The following RORA variants were observed in gnomAD, a reference collection of about 807,000 sequenced individuals.
The protein encoded by RORA is RAR related orphan receptor A, also known as nuclear receptor ROR-alpha.
Under a neutral mutation model 69.5 loss-of-function variants are expected in RORA, and 7 were observed. The ratio of observed to expected loss-of-function variants is 0.10; its 90% CI spans 0.06 to 0.19. The LOEUF (loss-of-function observed/expected upper bound fraction) is 0.19, where lower values mean the gene tolerates loss of function less well. Ranked by LOEUF, RORA falls within the 10% of genes least tolerant of loss-of-function variation. RORA has a pLI of 1.00. For missense variants in RORA, 457 were observed against 663.0 expected, an observed-to-expected ratio of 0.69 and a Z score of 3.41; for synonymous variants, 261 against 240.8, an observed-to-expected ratio of 1.08 and a Z score of -0.78.
intron 1 of RORA, among the ~76,000 whole-genome samples, chr15:61,036,208 C>T (rs889254689): frequency 6.6e-6 from 1 of 152,092 alleles, no homozygotes; most frequent in Non-Finnish European, 1.5e-5. Context: ...GGAGGTCCTA[C>T]GGGAGCAGCC....
At chr15:61,063,304 T>C (rs948473343) in intron 1 of RORA, among the ~76,000 whole-genome samples, 12 of 152,250 alleles carry the variant, frequency 7.9e-5, no homozygotes, top group Admixed American at 2.6e-4. Context: ...CAAGAATATA[T>C]AAAAGATATA....
intron 1 of RORA, among the ~76,000 whole-genome samples, chr15:61,162,405 T>G (rs764343484): frequency 2.0e-5 from 3 of 152,124 alleles, no homozygotes; most frequent in Non-Finnish European, 4.4e-5. Context: ...ACTTTAGCCT[T>G]GACAAAAGGC....
chr15:61,057,219 G>A (rs966313606), intron 1 of RORA, among the ~76,000 whole-genome samples: 1 of 152,234 alleles, frequency 6.6e-6, no homozygotes, highest in African/African-American at 2.4e-5. Context: ...TACATAAAAT[G>A]AAGGTATTCA....
intron 1 of RORA, among the ~76,000 whole-genome samples, chr15:61,144,035 T>A (rs996041149): frequency 2.0e-5 from 3 of 152,156 alleles, no homozygotes; most frequent in African/African-American, 7.2e-5. Flanking sequence ...AAAGGCTAAT[T>A]TCTCCTAAAC....
intron 2 of RORA, chr15:60,677,260 C>A: frequency 2.2e-6 from 1 of 449,146 alleles, no homozygotes; most frequent in Non-Finnish European, 4.5e-6. Context: ...ACTTCAGTCT[C>A]CTGCACTGTC....
chr15:61,197,889 T>A (rs537018237), intron 1 of RORA, among the ~76,000 whole-genome samples: 26 of 104,136 alleles, frequency 2.5e-4, no homozygotes, highest in Non-Finnish European at 4.3e-4. Context: ...GAAGGGAAGA[T>A]CCCTCCCAGG....
chr15:60,713,476 G>A (rs900935798), intron 1 of RORA, among the ~76,000 whole-genome samples: 1 of 152,166 alleles, frequency 6.6e-6, no homozygotes, highest in Non-Finnish European at 1.5e-5. Flanking sequence ...GAAGAGTTTT[G>A]TGAAACTGAG....
chr15:61,127,461 T>C (rs939660052), intron 1 of RORA, among the ~76,000 whole-genome samples: 15 of 152,218 alleles, frequency 9.9e-5, no homozygotes, highest in Admixed American at 6.5e-4. Flanking sequence ...GGCTCTTTGT[T>C]CAAACTGTAC....
At chr15:60,740,260 C>T (rs974120429) in intron 1 of RORA, among the ~76,000 whole-genome samples, 2 of 150,938 alleles carry the variant, frequency 1.3e-5, no homozygotes, top group Non-Finnish European at 1.5e-5. Flanking sequence ...CGTTACCCCC[C>T]GCACTTCAGA....
At chr15:60,647,904 C>T (rs542065509) in intron 2 of RORA, among the ~76,000 whole-genome samples, 4 of 152,258 alleles carry the variant, frequency 2.6e-5, no homozygotes, top group East Asian at 1.9e-4. Flanking sequence ...TTGGGTCAGC[C>T]GCAGGCATCA....
chr15:61,148,518 C>T (rs1162930303), intron 1 of RORA, among the ~76,000 whole-genome samples: 1 of 152,146 alleles, frequency 6.6e-6, no homozygotes, highest in Non-Finnish European at 1.5e-5. Context: ...AACAACAAGG[C>T]ATGAAACAGT....
intron 1 of RORA, among the ~76,000 whole-genome samples, chr15:60,972,577 A>G (rs1001465717): frequency 2.0e-5 from 3 of 152,128 alleles, no homozygotes; most frequent in Non-Finnish European, 4.4e-5. Context: ...TGCACGTTTC[A>G]CTATTTTAAA....
intron 1 of RORA, among the ~76,000 whole-genome samples, chr15:60,844,223 C>G (rs991912385): frequency 3.3e-5 from 5 of 152,178 alleles, no homozygotes; most frequent in African/African-American, 1.2e-4. Context: ...TCTCCTATGG[C>G]TGTCCTGAGG....
chr15:60,839,926 T>TA, intron 1 of RORA, among the ~76,000 whole-genome samples: 1 of 152,304 alleles, frequency 6.6e-6, no homozygotes, highest in Non-Finnish European at 1.5e-5. Context: ...CCTATTTAAA[T>TA]AAAAACATTT....
chr15:60,996,793 G>A (rs1412431299), intron 1 of RORA, among the ~76,000 whole-genome samples: 3 of 151,952 alleles, frequency 2.0e-5, no homozygotes, highest in East Asian at 1.9e-4. Flanking sequence ...GCCTGTAGTC[G>A]CAGCTACTCG....
chr15:60,841,048 T>A, intron 1 of RORA: 1 of 980,180 alleles, frequency 1.0e-6, no homozygotes, highest in Non-Finnish European at 1.2e-6. Flanking sequence ...GCATTGAAAG[T>A]AAAAACATTC....
intron 1 of RORA, among the ~76,000 whole-genome samples, chr15:60,684,904 C>T (rs1196428631): frequency 1.3e-5 from 1 of 75,720 alleles, no homozygotes; most frequent in Non-Finnish European, 2.9e-5. Flanking sequence ...ATTATTTAAG[C>T]TATGAGCGCT....
chr15:60,799,911 C>A (rs2072555307), intron 1 of RORA, among the ~76,000 whole-genome samples: 1 of 152,214 alleles, frequency 6.6e-6, no homozygotes, highest in Non-Finnish European at 1.5e-5. Context: ...GTGCCTCTAT[C>A]TCTTCAAAAT....
In RORA at chr15:60,972,189, T is replaced by G. The variant is rs532006718; in HGVS notation, c.166+256864A>C. On this transcript the variant is annotated intron_variant, in intron 1 of 10. Coordinates refer to ENST00000335670, the MANE Select transcript of RORA (RefSeq NM_134261.3). ...CAATTGAATGTTGGCAAATCCTTCCTTTAAGGGTAGATTGGATTTGCATAT... is the reference window on the plus strand; with the variant it reads ...CAATTGAATGTTGGCAAATCCTTCCGTTAAGGGTAGATTGGATTTGCATAT... 8.5e-5 allele frequency among the ~76,000 whole-genome samples: 13 copies of G among 152,316 alleles called. 1 individual carries two copies. The South Asian group carries it at 2.5e-3, about 29-fold the overall frequency.
Sources: allele counts gnomAD v4.1 joint callset (sites outside exome capture counted in the v4.1 genomes callset), GRCh38; gene constraint gnomAD v4.1.1; transcripts MANE v1.5; gene names NCBI Gene and HGNC (gene_info 2026-07-23, HGNC 2026-07-21).